Variants in SLC9C1 observed in about 807,000 individuals in gnomAD.
The protein encoded by SLC9C1 is solute carrier family 9 member C1.
SLC9C1 carries 97 observed loss-of-function variants against 140.9 expected under a neutral mutation model. The ratio of observed to expected loss-of-function variants is 0.69; its 90% CI spans 0.58 to 0.82. The LOEUF (loss-of-function observed/expected upper bound fraction) is 0.82. SLC9C1 is among the 40% of genes least tolerant of loss of function. SLC9C1 has a pLI of 0.00. For synonymous variants in SLC9C1, 440 were observed against 442.6 expected, an observed-to-expected ratio of 0.99 and a Z score of 0.07; for missense variants, 1,340 against 1,389.3, an observed-to-expected ratio of 0.96 and a Z score of 0.56.
intron 13 of SLC9C1, among the ~76,000 whole-genome samples, chr3:112,225,140 T>A (rs1204183396): frequency 6.6e-6 from 1 of 152,102 alleles, no homozygotes; most frequent in African/African-American, 2.4e-5. Context: ...ATAGAAAAAG[T>A]GTCAAGTCAC....
At chr3:112,247,283 T>C (rs931472163) in intron 10 of SLC9C1, among the ~76,000 whole-genome samples, 1 of 152,142 alleles carries the variant, frequency 6.6e-6, no homozygotes, top group Non-Finnish European at 1.5e-5. Flanking sequence ...GCAACATCTA[T>C]TTTATATCTA....
chr3:112,199,275 TTATG>T, intron 20 of SLC9C1, 42 bp downstream of exon 20: 1 of 1,428,504 alleles, frequency 7.0e-7, no homozygotes, highest in Non-Finnish European at 9.4e-7. Context: ...TCATGAATGA[TTATG>T]TATCAAGTAA....
chr3:112,252,495 C>G (rs1459205890), intron 10 of SLC9C1, among the ~76,000 whole-genome samples: 1 of 152,058 alleles, frequency 6.6e-6, no homozygotes, highest in African/African-American at 2.4e-5. Flanking sequence ...TTAAGCAGAC[C>G]CCCAGAACAG....
intron 15 of SLC9C1, among the ~76,000 whole-genome samples, chr3:112,212,568 T>G (rs1221885573): frequency 6.6e-6 from 1 of 152,208 alleles, no homozygotes; most frequent in African/African-American, 2.4e-5. Context: ...TGCACAAGCT[T>G]CAGTAGCCAA....
At chr3:112,256,833 T>TC (rs1277674851) in intron 10 of SLC9C1, among the ~76,000 whole-genome samples, 2 of 151,988 alleles carry the variant, frequency 1.3e-5, no homozygotes, top group Non-Finnish European at 2.9e-5. Context: ...GGCCCAAATC[T>TC]CCATCAACTG....
At position 112,263,014 on chromosome 3, in the gene SLC9C1, A is replaced by G. The variant is rs757335786; in HGVS notation, c.1107T>C (p.Cys369=). The change falls in exon 10 of 29, where the codon TGT becomes TGC. Residue 369 remains cysteine (C), a synonymous_variant. Coordinates refer to ENST00000305815, the MANE Select transcript of SLC9C1 (RefSeq NM_183061.3). ...TATTAGGCATCCCCTTCATTTCACTACAGACCATTATGAATATCCAGCGCC... is the reference window on the plus strand; with the variant it reads ...TATTAGGCATCCCCTTCATTTCACTGCAGACCATTATGAATATCCAGCGCC... ...FSWRWIFIMV[C]SEMKGMPNIN... is the part of the protein sequence containing the mutation. The G allele has an allele frequency of 1.2e-6, 2 of 1,607,744 alleles. No homozygotes were observed. Among genetic ancestry groups the G allele is most frequent in the Admixed American group, 1.7e-5 (1 of 59,304 alleles).
intron 20 of SLC9C1, among the ~76,000 whole-genome samples, chr3:112,197,493 T>C (rs1360528419): frequency 2.6e-5 from 4 of 152,142 alleles, no homozygotes; most frequent in Non-Finnish European, 5.9e-5. Context: ...CAAGGACACA[T>C]GCATAGCTGC....
intron 15 of SLC9C1, among the ~76,000 whole-genome samples, chr3:112,215,806 A>G (rs2078347578): frequency 6.6e-6 from 1 of 152,240 alleles, no homozygotes; most frequent in African/African-American, 2.4e-5. Context: ...ATTCAATACT[A>G]TCCCCAACAA....
Position 112,264,338 on chromosome 3 carries a change from C to T in SLC9C1, c.884G>A (p.Trp295Ter). The T allele has an allele frequency of 6.9e-7, 1 of 1,448,408 alleles. No individual in the cohort carries two copies. Among genetic ancestry groups the T allele is most frequent in the Non-Finnish European group, 9.1e-7 (1 of 1,100,242 alleles). 89.7% of individuals were successfully genotyped at this position (1,448,408 alleles called of 1,614,324 possible). ...AIEETLLLEFWTFLSRIAFLM... is the reference protein window; with the variant it reads ...AIEETLLLEF ...AAAAGCAATACGTGATAGAAAAGTC[C>T]AGAATCTGCATCATTCAGAAAAAAT... Residue 295 changes from tryptophan (W) to a stop codon, truncating the protein, a stop_gained, in exon 9 of 29, where the codon TGG becomes TAG. Transcript: ENST00000305815. LOFTEE classifies it high-confidence loss of function.
At chr3:112,190,415 A>G (rs534201457) in intron 20 of SLC9C1, among the ~76,000 whole-genome samples, 2 of 152,214 alleles carry the variant, frequency 1.3e-5, no homozygotes, top group Admixed American at 1.3e-4. Flanking sequence ...TTCCATCAAT[A>G]CCTAGTTTAT....
chr3:112,160,516 G>A (rs549334078), intron 26 of SLC9C1, among the ~76,000 whole-genome samples: 1,806 of 149,838 alleles, frequency 0.012, 15 homozygotes, highest in Non-Finnish European at 0.019. Flanking sequence ...GAGAGTATGC[G>A]GTGTTTGGTT....
Position 112,179,638 on chromosome 3 carries a change from G to T in SLC9C1, c.2812C>A (p.Pro938Thr), listed in dbSNP as rs1236196256. Residue 938 changes from proline (P) to threonine (T), a missense_variant, in exon 23 of 29, where the codon CCG becomes ACG. Physicochemically the swap from Pro to Thr is conservative, Grantham distance 38. Transcript: ENST00000305815. ...QMVESKEKDFPIIDTDYMLSG... is the reference protein window; with the variant it reads ...QMVESKEKDFTIIDTDYMLSG... ...AGCATATAGTCTGTGTCAATTATCGGAAAATCTTTCTCCTTTGACTCCACC... is the reference window on the plus strand; with the variant it reads ...AGCATATAGTCTGTGTCAATTATCGTAAAATCTTTCTCCTTTGACTCCACC... 1 of 1,611,128 alleles carries T rather than the reference G, an allele frequency of 6.2e-7. No individual in the cohort carries two copies.
intron 10 of SLC9C1, among the ~76,000 whole-genome samples, chr3:112,261,607 A>G (rs2079774045): frequency 6.6e-6 from 1 of 152,050 alleles, no homozygotes; most frequent in South Asian, 2.1e-4. Context: ...GTTCAGCTAG[A>G]TTAAATTGAG....
At chr3:112,291,109 G>C (rs2080669237) in intron 1 of SLC9C1, among the ~76,000 whole-genome samples, 1 of 152,164 alleles carries the variant, frequency 6.6e-6, no homozygotes, top group Non-Finnish European at 1.5e-5. Flanking sequence ...TGATTATGCA[G>C]ACTTGACTGT....
At chr3:112,269,292 T>C (rs1369677209) in intron 7 of SLC9C1, among the ~76,000 whole-genome samples, 1 of 152,090 alleles carries the variant, frequency 6.6e-6, no homozygotes, top group Non-Finnish European at 1.5e-5. Flanking sequence ...AAAATTCTTG[T>C]AGACATGGGA....
chr3:112,180,745 T>C, intron 21 of SLC9C1, 83 bp from the exon 22 acceptor site: 2 of 1,208,042 alleles, frequency 1.7e-6, no homozygotes, highest in Middle Eastern at 2.0e-4. Flanking sequence ...TTTTGTTATT[T>C]ATTTTTTTGA....
chr3:112,246,261 T>C (rs1368561493), intron 10 of SLC9C1, among the ~76,000 whole-genome samples: 1 of 152,112 alleles, frequency 6.6e-6, no homozygotes, highest in Non-Finnish European at 1.5e-5. Flanking sequence ...CAGCATCAAG[T>C]AAAGTAATTA....
chr3:112,273,743 G>C (rs2080140249), intron 6 of SLC9C1, among the ~76,000 whole-genome samples: 1 of 152,154 alleles, frequency 6.6e-6, no homozygotes, highest in Non-Finnish European at 1.5e-5. Flanking sequence ...TCCTCTTCTT[G>C]AGTAGTAGGA....
intron 14 of SLC9C1, among the ~76,000 whole-genome samples, chr3:112,220,376 GT>G (rs2078506921): frequency 6.6e-6 from 1 of 152,174 alleles, no homozygotes; most frequent in Non-Finnish European, 1.5e-5. Flanking sequence ...CATCCTTCAG[GT>G]TTAGGGGTAT....
Sources: gnomAD v4.1 joint callset for allele counts (sites outside exome capture counted in the v4.1 genomes callset) on GRCh38, gnomAD v4.1.1 for gene constraint, MANE v1.5 for transcripts, NCBI Gene and HGNC (gene_info 2026-07-23, HGNC 2026-07-21) for gene names.